Variants in DNAH9 observed in about 807,000 individuals in gnomAD.
DNAH9 encodes the protein DNAH9 variant protein.
DNAH9 carries 345 observed loss-of-function variants against 471.6 expected under a neutral mutation model. That is an observed-to-expected ratio of 0.73 (90% CI 0.67 to 0.80). DNAH9 has a LOEUF of 0.80. DNAH9 is among the 30% of genes least tolerant of loss of function. DNAH9 has a pLI of 0.00. For synonymous variants in DNAH9, 2,093 were observed against 2,123.6 expected (o/e 0.99, Z 0.40); for missense variants, 5,407 against 5,609.2 (o/e 0.96, Z 1.15).
At chr17:11,921,792 A>G (rs764066652) in intron 61 of DNAH9, among the ~76,000 whole-genome samples, 35 of 152,170 alleles carry the variant, frequency 2.3e-4, no homozygotes, top group Non-Finnish European at 4.4e-4. Flanking sequence ...GTCATGCCTC[A>G]AGCCCAGATT....
In DNAH9 at chr17:11,923,842, T is replaced by G. The variant is rs1285144403; in HGVS notation, c.11778T>G (p.Asn3926Lys). Residue 3926 changes from asparagine (N) to lysine (K), a missense_variant, in exon 62 of 69, where the codon AAT (asparagine) becomes AAG (lysine). This residue lies in a region of DNAH9 where 4,636 missense variants were observed against 4,900.3 expected (regional missense o/e 0.95). Coordinates refer to ENST00000262442, the MANE Select transcript of DNAH9 (RefSeq NM_001372.4). ...GAAAACTTGGATACACCTTCAACAATCAGAACTTTCACAACGTGTCTTTGG... is the reference window on the plus strand; with the variant it reads ...GAAAACTTGGATACACCTTCAACAAGCAGAACTTTCACAACGTGTCTTTGG... Reference protein sequence around the residue: ...QGRKLGYTFNNQNFHNVSLGQ... With the variant: ...QGRKLGYTFNKQNFHNVSLGQ... The G allele has an allele frequency of 4.3e-6, 7 of 1,614,022 alleles. No homozygotes were observed. The highest frequency in any genetic ancestry group is 5.9e-6 in the Non-Finnish European group (7 of 1,179,956).
chr17:11,608,134 T>A lies in DNAH9; in HGVS notation c.423T>A (p.Val141=). The change falls in exon 2 of 69, where the codon GTT becomes GTA. Residue 141 remains valine (V), a synonymous_variant. Coordinates refer to ENST00000262442, the MANE Select transcript of DNAH9 (RefSeq NM_001372.4). ...CCTGTGCACCTCTGTTCCAGGTTGT[T>A]CTACCCGTCCTGGCCAATGAGAAGA... The part of the protein sequence containing the change: ...EHLAALFSEV[V]LPVLANEKNR... 6.3e-7 allele frequency: 1 copy of A among 1,592,640 alleles called. No homozygotes were observed. The highest frequency in any genetic ancestry group is 2.3e-5 in the East Asian group (1 of 44,334).
intron 51 of DNAH9, 35 bp downstream of exon 51, chr17:11,869,288 A>G (rs1464365492): frequency 4.4e-6 from 7 of 1,608,480 alleles, no homozygotes; most frequent in African/African-American, 2.7e-5. Context: ...AGCTGTAATT[A>G]TATTAGCAGG....
At chr17:11,711,486 A>G (rs142033157) in intron 26 of DNAH9, among the ~76,000 whole-genome samples, 6 of 152,240 alleles carry the variant, frequency 3.9e-5, no homozygotes, top group East Asian at 3.9e-4. Context: ...CCTCAAAACT[A>G]TGTATTCTGT....
intron 52 of DNAH9, among the ~76,000 whole-genome samples, chr17:11,874,509 G>T (rs1021165108): frequency 4.6e-5 from 7 of 151,934 alleles, no homozygotes; most frequent in African/African-American, 1.7e-4. Flanking sequence ...GGAAAGAGTG[G>T]TTTGTGCCGG....
chr17:11,869,295 C>T, intron 51 of DNAH9, 42 bp downstream of exon 51: 2 of 1,605,642 alleles, frequency 1.2e-6, no homozygotes, highest in Non-Finnish European at 1.7e-6. Context: ...ATTATATTAG[C>T]AGGCTTGTCA....
intron 39 of DNAH9, among the ~76,000 whole-genome samples, 169 bp downstream of exon 39, chr17:11,781,343 G>T (rs1181098143): frequency 1.3e-5 from 2 of 152,240 alleles, no homozygotes; most frequent in Admixed American, 1.3e-4. Context: ...TCCCAGAGTG[G>T]TTCCTTCAAA....
intron 44 of DNAH9, among the ~76,000 whole-genome samples, chr17:11,808,664 CA>C (rs1969779271): frequency 6.6e-6 from 1 of 151,998 alleles, no homozygotes; most frequent in South Asian, 2.1e-4. Flanking sequence ...TTAGTGCTTC[CA>C]AAAAAGACAT....
At position 11,875,107 on chromosome 17, in the gene DNAH9, C is replaced by A; in HGVS notation, c.10401C>A (p.Asp3467Glu). ...INCERWPLMVDPQLQGIKWIK... is the reference protein window; with the variant it reads ...INCERWPLMVEPQLQGIKWIK... ...GTGAGCGCTGGCCACTCATGGTTGACCCTCAGCTACAAGGCATCAAATGGA... is the reference window on the plus strand; with the variant it reads ...GTGAGCGCTGGCCACTCATGGTTGAACCTCAGCTACAAGGCATCAAATGGA... Residue 3467 changes from aspartate to glutamate, a missense_variant, in exon 53 of 69, where the codon GAC becomes GAA. By Grantham distance (45) the Asp-to-Glu change is conservative. Coordinates refer to ENST00000262442, the MANE Select transcript of DNAH9 (RefSeq NM_001372.4). The A allele has an allele frequency of 6.2e-7, 1 of 1,614,096 alleles. No individual in the cohort carries two copies.
intron 50 of DNAH9, among the ~76,000 whole-genome samples, chr17:11,865,237 T>C (rs1972001221): frequency 6.6e-6 from 1 of 151,922 alleles, no homozygotes; most frequent in African/African-American, 2.4e-5. Flanking sequence ...AAATCTCAGC[T>C]TTGCTTATCT....
At position 11,658,373 on chromosome 17, in the gene DNAH9, G is replaced by A. The variant is rs544035439; in HGVS notation, c.2595+5371G>A. 1.1e-4 allele frequency among the ~76,000 whole-genome samples: 16 copies of A among 152,102 alleles called. No homozygotes were observed. In the South Asian group the frequency reaches 1.9e-3, roughly 18 times the overall value. ...TTTTTACATTTTGATATTATATTCC[G>A]TGATCTTTCTAAATTTATTAGATGT... On this transcript the variant is annotated intron_variant, in intron 14 of 68. Coordinates refer to ENST00000262442, the MANE Select transcript of DNAH9 (RefSeq NM_001372.4).
At position 11,834,869 on chromosome 17, in the gene DNAH9, G is replaced by A. The variant is rs1215857602; in HGVS notation, c.9478G>A (p.Ala3160Thr). 5 of 1,613,522 alleles carry A rather than the reference G, an allele frequency of 3.1e-6. No individual in the cohort carries two copies. The highest frequency in any genetic ancestry group is 2.2e-5 in the East Asian group (1 of 44,870). The part of the protein sequence containing the change: ...LAKAEPALTA[A>T]QAALNTLNKT... ...AAAGGCTGAGCCAGCACTCACAGCA[G>A]CGCAGGCAGCTCTCAACACCCTGAA... Residue 3160 changes from alanine (A) to threonine (T), a missense_variant, in exon 49 of 69, where the codon GCG becomes ACG. Transcript: ENST00000262442.
chr17:11,941,870 T>C (rs756368197), intron 66 of DNAH9, among the ~76,000 whole-genome samples: 7 of 151,742 alleles, frequency 4.6e-5, no homozygotes, highest in Admixed American at 2.7e-4. Context: ...TGTATATTGA[T>C]ATACTGTATC....
chr17:11,765,600 G>A (rs1332326064), intron 36 of DNAH9, among the ~76,000 whole-genome samples: 1 of 152,202 alleles, frequency 6.6e-6, no homozygotes, highest in African/African-American at 2.4e-5. Context: ...CCCAGAGACA[G>A]ATGCCCTGGA....
chr17:11,600,355 G>A (rs964642104), intron 1 of DNAH9, among the ~76,000 whole-genome samples: 4 of 152,154 alleles, frequency 2.6e-5, no homozygotes, highest in Non-Finnish European at 5.9e-5. Flanking sequence ...TAGAGAGCAA[G>A]GTAACTTTCA....
At chr17:11,925,308 G>A (rs181457572) in intron 62 of DNAH9, 27 of 416,770 alleles carry the variant, frequency 6.5e-5, no homozygotes, top group Non-Finnish European at 1.1e-4. Flanking sequence ...CATTCTTCCC[G>A]GCTTTCACTA....
intron 67 of DNAH9, among the ~76,000 whole-genome samples, chr17:11,952,989 G>C (rs192321183): frequency 6.6e-6 from 1 of 152,204 alleles, no homozygotes; most frequent in African/African-American, 2.4e-5. Context: ...CAGGGAGGCA[G>C]AGCCAGAAAA....
intron 67 of DNAH9, among the ~76,000 whole-genome samples, chr17:11,944,441 A>G (rs1369555363): frequency 1.3e-5 from 2 of 152,128 alleles, no homozygotes; most frequent in African/African-American, 4.8e-5. Context: ...TGATCACAAA[A>G]GGCAGGGGCT....
intron 57 of DNAH9, among the ~76,000 whole-genome samples, chr17:11,890,986 C>G (rs1031143135): frequency 6.6e-6 from 1 of 152,190 alleles, no homozygotes; most frequent in African/African-American, 2.4e-5. Flanking sequence ...TGCACCTGGC[C>G]TTGGTTTTTA....
Sources: gnomAD v4.1 joint callset for allele counts (sites outside exome capture counted in the v4.1 genomes callset) on GRCh38, gnomAD v4.1.1 for gene constraint, gnomAD v4.1.1 regional missense constraint, MANE v1.5 for transcripts, NCBI Gene and HGNC (gene_info 2026-07-23, HGNC 2026-07-21) for gene names.